MVB12B: variants seen among roughly 807,000 people sequenced by gnomAD.
The protein encoded by MVB12B is ESCRT-I complex subunit MVB12B.
In MVB12B, 16 loss-of-function variants were observed where a neutral mutation model predicts 41.6. The ratio of observed to expected loss-of-function variants is 0.38; its 90% confidence interval spans 0.26 to 0.58. MVB12B has a LOEUF of 0.58. MVB12B is among the 20% of genes least tolerant of loss of function. MVB12B has a pLI of 0.62. For synonymous variants in MVB12B, 133 were observed against 139.7 expected (o/e 0.95, Z 0.34); for missense variants, 274 against 380.2 (o/e 0.72, Z 2.32).
intron 6 of MVB12B, among the ~76,000 whole-genome samples, chr9:126,418,464 A>G (rs1405879803): frequency 6.6e-6 from 1 of 152,232 alleles, no homozygotes; most frequent in African/African-American, 2.4e-5. Flanking sequence ...AAGTCTCTGC[A>G]CAAAGTAGAT....
At chr9:126,370,540 C>T (rs978374072) in intron 2 of MVB12B, among the ~76,000 whole-genome samples, 24 of 151,948 alleles carry the variant, frequency 1.6e-4, no homozygotes, top group African/African-American at 5.6e-4. Flanking sequence ...CACCACCATG[C>T]CCAGCTAATT....
intron 6 of MVB12B, among the ~76,000 whole-genome samples, chr9:126,398,085 T>G (rs1263479909): frequency 2.6e-5 from 4 of 152,066 alleles, no homozygotes; most frequent in African/African-American, 4.8e-5. Context: ...CTTCTGCGCC[T>G]TTGCTCCCGG....
chr9:126,420,991 G>T (rs969065688), intron 6 of MVB12B, among the ~76,000 whole-genome samples: 1 of 152,170 alleles, frequency 6.6e-6, no homozygotes, highest in Non-Finnish European at 1.5e-5. Flanking sequence ...GTGGCCACAG[G>T]TTAGGCTCCT....
At chr9:126,355,758 A>T (rs767350134) in intron 2 of MVB12B, among the ~76,000 whole-genome samples, 13 of 152,346 alleles carry the variant, frequency 8.5e-5, no homozygotes, top group Non-Finnish European at 1.5e-4. Context: ...ATCGTTTTTG[A>T]AGTTAGCAAA....
rs1437169884 is a variant in MVB12B at position 126,491,798 on chromosome 9, C to T, written c.873+7766C>T. Among the ~76,000 whole-genome samples, 4 of 152,122 alleles carry T rather than the reference C, an allele frequency of 2.6e-5. No individual in the cohort carries two copies. In the East Asian group the frequency reaches 7.7e-4, roughly 29 times the overall value. On this transcript the variant is annotated intron_variant, in intron 9 of 9. Coordinates refer to ENST00000361171, the MANE Select transcript of MVB12B (RefSeq NM_033446.3). ...ACGAATTAGTAAAGTAGATGCCTTGCAGAAATCATGAGAGAAGTCTGAGGC... is the reference window on the plus strand; with the variant it reads ...ACGAATTAGTAAAGTAGATGCCTTGTAGAAATCATGAGAGAAGTCTGAGGC...
At chr9:126,411,556 A>G (rs1466000107) in intron 6 of MVB12B, among the ~76,000 whole-genome samples, 1 of 152,232 alleles carries the variant, frequency 6.6e-6, no homozygotes, top group Non-Finnish European at 1.5e-5. Flanking sequence ...GAAGGTTTAT[A>G]AGATAGTGAA....
chr9:126,364,928 T>TG (rs1564290917), intron 2 of MVB12B, among the ~76,000 whole-genome samples: 1 of 151,720 alleles, frequency 6.6e-6, no homozygotes. Flanking sequence ...ATTTTTTGTA[T>TG]TTTTTAGTAG....
chr9:126,463,052 G>A (rs10819161), intron 7 of MVB12B, among the ~76,000 whole-genome samples: 40,204 of 152,052 alleles, frequency 0.26, 5,401 homozygotes, highest in Middle Eastern at 0.33. Context: ...GTCTCACACT[G>A]CACCTTCCGC....
At chr9:126,453,713 T>C (rs1026840599) in intron 7 of MVB12B, among the ~76,000 whole-genome samples, 1 of 152,234 alleles carries the variant, frequency 6.6e-6, no homozygotes. Context: ...CACTCACGTG[T>C]GGCACACTCT....
Position 126,367,860 on chromosome 9 carries a change from C to T in MVB12B, c.205-13204C>T, listed in dbSNP as rs374371210. Among the ~76,000 whole-genome samples the T allele has an allele frequency of 8.5e-5, 13 of 152,332 alleles. No individual in the cohort carries two copies. The East Asian group carries it at 1.9e-3, about 23-fold the overall frequency. On this transcript the variant is annotated intron_variant, in intron 2 of 9. Transcript: ENST00000361171. This position sits in a 1 kb window ranked among gnomAD's most constrained non-coding sequence, Gnocchi z 4.3. ...TCTGTGTGGCTCTCTTCCCTGCGCC[C>T]TCACTCCTGATTCAGCTCACCTGGG... is the stretch of plus-strand genomic sequence containing the variant.
intron 2 of MVB12B, among the ~76,000 whole-genome samples, chr9:126,377,897 T>C (rs1476794654): frequency 6.6e-6 from 1 of 152,244 alleles, no homozygotes; most frequent in Non-Finnish European, 1.5e-5. Context: ...TCCCCTTTTT[T>C]GGTTTAGAAA....
rs1478105087 is a variant in MVB12B at position 126,392,042 on chromosome 9, C to G, written c.410-24C>G. The G allele has an allele frequency of 6.2e-7, 1 of 1,613,660 alleles. No homozygotes were observed. The highest frequency in any genetic ancestry group is 1.7e-5 in the Admixed American group (1 of 59,990). On this transcript the variant is annotated intron_variant, in intron 4 of 9. Transcript: ENST00000361171. This position sits in a 1 kb window ranked among gnomAD's most constrained non-coding sequence, Gnocchi z 4.8. The stretch of plus-strand genomic sequence containing the variant: ...TCTGGTATCTCTGGAAAACTCATAC[C>G]TTTTCTATTGTCCTTTCCTTCAGAG...
chr9:126,413,815 T>TG (rs1831718502), intron 6 of MVB12B, among the ~76,000 whole-genome samples: 2 of 129,314 alleles, frequency 1.5e-5, no homozygotes, highest in South Asian at 2.7e-4. Flanking sequence ...TGAACCCCAT[T>TG]GGTTGTGTGT....
intron 1 of MVB12B, chr9:126,327,341 G>A: frequency 5.1e-6 from 5 of 984,890 alleles, no homozygotes; most frequent in Non-Finnish European, 6.0e-6. Context: ...AGAGGGAGGC[G>A]GCCCACCTGG....
At chr9:126,362,041 T>C (rs1830044371) in intron 2 of MVB12B, among the ~76,000 whole-genome samples, 5 of 152,206 alleles carry the variant, frequency 3.3e-5, no homozygotes, top group Admixed American at 2.0e-4. Flanking sequence ...TTTAAGATTT[T>C]CTCTTTATCA....
intron 6 of MVB12B, among the ~76,000 whole-genome samples, chr9:126,420,647 GAACTC>G (rs1408843036): frequency 7.5e-6 from 1 of 133,434 alleles, no homozygotes; most frequent in Non-Finnish European, 1.5e-5. Context: ...GCAATGGCAT[GAACTC>G]AGCTCACTGC....
chr9:126,370,508 A>C (rs1362866386), intron 2 of MVB12B, among the ~76,000 whole-genome samples: 3 of 150,802 alleles, frequency 2.0e-5, no homozygotes, highest in Admixed American at 1.3e-4. Flanking sequence ...CAGCCTCCCG[A>C]GTAGCTGGGA....
intron 2 of MVB12B, among the ~76,000 whole-genome samples, chr9:126,343,789 T>G (rs1273263320): frequency 6.6e-6 from 1 of 152,154 alleles, no homozygotes; most frequent in Non-Finnish European, 1.5e-5. Context: ...TGGTGGTGCG[T>G]GCCTGTAATC....
Position 126,336,715 on chromosome 9 carries a change from C to T in MVB12B, c.82-3793C>T, listed in dbSNP as rs190171955. On this transcript the variant is annotated intron_variant, in intron 1 of 9. Coordinates refer to ENST00000361171, the MANE Select transcript of MVB12B (RefSeq NM_033446.3). ...TTAACCCTCCCCAGCTTTCCCATTC[C>T]GTACACTTGTGGGCGCACATACATG... Among the ~76,000 whole-genome samples the T allele has an allele frequency of 1.5e-4, 23 of 151,624 alleles. 1 individual carries two copies. The highest frequency in any genetic ancestry group is 1.1e-3 in the Admixed American group (16 of 15,228).
Sources: gnomAD v4.1 joint callset for allele counts (sites outside exome capture counted in the v4.1 genomes callset) on GRCh38, gnomAD v4.1.1 for gene constraint, Gnocchi (gnomAD v3.1) non-coding constraint, MANE v1.5 for transcripts, NCBI Gene and HGNC (gene_info 2026-07-23, HGNC 2026-07-21) for gene names.